Variants in WBP4 observed in about 807,000 individuals in gnomAD.
The protein encoded by WBP4 is WW domain-binding protein 4.
WBP4 carries 37 observed loss-of-function variants against 55.4 expected under a neutral mutation model. The ratio of observed to expected loss-of-function variants is 0.67; its 90% CI spans 0.51 to 0.88. WBP4 has a LOEUF of 0.88. WBP4 is among the 40% of genes least tolerant of loss of function. WBP4 has a pLI of 0.00. For missense variants in WBP4, 398 were observed against 420.8 expected, an observed-to-expected ratio of 0.95 and a Z score of 0.47; for synonymous variants, 142 against 140.2, an observed-to-expected ratio of 1.01 and a Z score of -0.09.
rs1878472815 is a variant in WBP4 at position 41,076,133 on chromosome 13, G to C, written c.652G>C (p.Asp218His). The change falls in exon 8 of 10, where the codon GAT becomes CAT. Residue 218 changes from aspartate (D) to histidine (H), a missense_variant. Transcript: ENST00000379487. ...CAATGAAAATTCACTTGGCACCCTA[G>C]ATGAATCCAAATCATCAGATTCGCA... ...KVNENSLGTL[D>H]ESKSSDSHSD... 1 of 1,613,420 alleles carries C rather than the reference G, an allele frequency of 6.2e-7. No homozygotes were observed. The highest frequency in any genetic ancestry group is 1.3e-5 in the African/African-American group (1 of 74,694).
chr13:41,077,258 A>G (rs1354479344), intron 8 of WBP4, among the ~76,000 whole-genome samples: 1 of 152,238 alleles, frequency 6.6e-6, no homozygotes, highest in Non-Finnish European at 1.5e-5. Context: ...GTTAAAATTC[A>G]GCATCCTTTC....
chr13:41,065,212 A>C lies in WBP4; in HGVS notation c.187A>C (p.Lys63Gln), dbSNP rs749072820. The change falls in exon 4 of 10, where the codon AAG becomes CAG. Residue 63 changes from lysine to glutamine, a missense_variant. Transcript: ENST00000379487. ...GGCAAAGGAAGAAGAAAAGGCATCA[A>C]AGGAGTTTGCTGCAATGGAGGCAGC... ...DKAKEEEKAS[K>Q]EFAAMEAAAL... is the part of the protein sequence containing the mutation. 3 of 1,613,204 alleles carry C rather than the reference A, an allele frequency of 1.9e-6. No individual in the cohort carries two copies. The highest frequency in any genetic ancestry group is 2.2e-5 in the South Asian group (2 of 90,954).
At chr13:41,071,690 C>T (rs551871284) in intron 6 of WBP4, 117 bp downstream of exon 6, 2 of 881,248 alleles carry the variant, frequency 2.3e-6, no homozygotes, top group Admixed American at 2.5e-5. Flanking sequence ...CCCTCCACCC[C>T]CAAACTGTGT....
In WBP4 at chr13:41,065,263, T is replaced by A; in HGVS notation, c.238T>A (p.Leu80Met). The A allele has an allele frequency of 6.3e-7, 1 of 1,589,742 alleles. No homozygotes were observed. The highest frequency in any genetic ancestry group is 8.5e-7 in the Non-Finnish European group (1 of 1,170,220). ...TGCCCTGAAAGCATACCAAGAGGATTTGAAAAGACTTGGCTTAGAGTCAGG... is the reference window on the plus strand; with the variant it reads ...TGCCCTGAAAGCATACCAAGAGGATATGAAAAGACTTGGCTTAGAGTCAGG... The part of the protein sequence containing the change: ...AAALKAYQED[L>M]KRLGLESEIL... Residue 80 changes from leucine to methionine, a missense_variant, in exon 4 of 10, where the codon TTG (leucine) becomes ATG (methionine). Transcript: ENST00000379487.
At chr13:41,078,210 G>A (rs1469711233) in intron 8 of WBP4, among the ~76,000 whole-genome samples, 4 of 152,230 alleles carry the variant, frequency 2.6e-5, no homozygotes, top group African/African-American at 9.6e-5. Flanking sequence ...AAGAACAAAG[G>A]TGGAGGCATC....
intron 2 of WBP4, among the ~76,000 whole-genome samples, chr13:41,064,433 A>G (rs1401437940): frequency 6.6e-6 from 1 of 152,138 alleles, no homozygotes; most frequent in Non-Finnish European, 1.5e-5. Flanking sequence ...TCAAAGGGTA[A>G]ATGTATTTGT....
intron 7 of WBP4, 125 bp from the exon 8 acceptor site, chr13:41,075,919 C>T (rs1878459257): frequency 1.9e-6 from 2 of 1,044,672 alleles, no homozygotes; most frequent in Non-Finnish European, 2.7e-6. Context: ...TCTTCTTGAT[C>T]AAGAGATAGT....
chr13:41,065,754 A>G (rs1244327321), intron 4 of WBP4, among the ~76,000 whole-genome samples: 1 of 152,206 alleles, frequency 6.6e-6, no homozygotes, highest in African/African-American at 2.4e-5. Context: ...TTTTACTAGT[A>G]GAAGGCAGAT....
chr13:41,062,101 T>G lies in WBP4; in HGVS notation c.2+426T>G, dbSNP rs868605627. On this transcript the variant is annotated intron_variant, in intron 1 of 9. Coordinates refer to ENST00000379487, the MANE Select transcript of WBP4 (RefSeq NM_007187.5). ...CAGCCCTGGATAGCGTAATGGTTTT[T>G]TTTTTTTTTTTTTTTTTTTTTTTGT... 5.2e-5 allele frequency: 42 copies of G among 809,636 alleles called. No homozygotes were observed. The South Asian group carries it at 6.6e-4, about 13-fold the overall frequency. 50.2% of individuals were successfully genotyped at this position (809,636 alleles called of 1,614,324 possible).
chr13:41,062,098 T>C, intron 1 of WBP4: 1 of 412,956 alleles, frequency 2.4e-6, no homozygotes, highest in Non-Finnish European at 3.0e-6. Context: ...GCGTAATGGT[T>C]TTTTTTTTTT....
intron 4 of WBP4, among the ~76,000 whole-genome samples, chr13:41,067,287 C>T (rs1878016524): frequency 6.6e-6 from 1 of 152,212 alleles, no homozygotes; most frequent in African/African-American, 2.4e-5. Flanking sequence ...AATGTAAATA[C>T]CTGATCTATC....
intron 9 of WBP4, 136 bp from the exon 10 acceptor site, chr13:41,082,568 T>A: frequency 1.5e-6 from 1 of 670,706 alleles, no homozygotes; most frequent in East Asian, 2.7e-5. Context: ...TATTGTAAAG[T>A]CAGTATTTTA....
At chr13:41,064,901 T>C in intron 2 of WBP4, 115 bp from the exon 3 acceptor site, 1 of 970,664 alleles carries the variant, frequency 1.0e-6, no homozygotes, top group Non-Finnish European at 1.5e-6. Flanking sequence ...TTTTCATCTT[T>C]TCTGCCATTC....
rs1363070203 is a variant in WBP4 at position 41,083,245 on chromosome 13, C to T, written c.*331C>T. ...TTCATATTCATAAGAGCATATTTAT[C>T]CTGCATTGAAAATGCATTACTTTTG... On this transcript the variant is annotated 3_prime_UTR_variant, in exon 10 of 10. Coordinates refer to ENST00000379487, the MANE Select transcript of WBP4 (RefSeq NM_007187.5). 1 of 199,630 alleles carries T rather than the reference C, an allele frequency of 5.0e-6. No individual in the cohort carries two copies. Among genetic ancestry groups the T allele is most frequent in the Non-Finnish European group, 1.0e-5 (1 of 96,566 alleles). The allele number at this position is 199,630 out of a possible 1,614,324, so 12.4% of individuals were successfully genotyped here. A position where few individuals can be genotyped will look rare whatever the true frequency, so the allele number is the denominator to read the frequency against.
intron 8 of WBP4, among the ~76,000 whole-genome samples, chr13:41,078,391 A>T (rs1413225393): frequency 3.9e-5 from 6 of 152,226 alleles, no homozygotes; most frequent in Non-Finnish European, 8.8e-5. Context: ...TACACTGGGG[A>T]AGGGATACCC....
intron 7 of WBP4, 22 bp downstream of exon 7, chr13:41,072,879 C>T (rs374018522): frequency 2.1e-5 from 33 of 1,587,550 alleles, no homozygotes; most frequent in Admixed American, 6.9e-5. Flanking sequence ...CTTTGATTAT[C>T]TTAACTGTTT....
rs746468545 is a variant in WBP4, at chr13:41,065,095, A to G, written c.138+17A>G. 2 of 1,600,284 alleles carry G rather than the reference A, an allele frequency of 1.2e-6. No homozygotes were observed. The highest frequency in any genetic ancestry group is 8.5e-7 in the Non-Finnish European group (1 of 1,176,424). On this transcript the variant is annotated intron_variant, in intron 3 of 9. Coordinates refer to ENST00000379487, the MANE Select transcript of WBP4 (RefSeq NM_007187.5). ...ATCAGTGAGGTAATTTAGATTGTTT[A>G]TTTGCTAATTTTTCTATGCAAATGT... is the stretch of plus-strand genomic sequence containing the variant.
intron 4 of WBP4, among the ~76,000 whole-genome samples, chr13:41,067,857 A>G (rs1593426529): frequency 6.6e-6 from 1 of 152,066 alleles, no homozygotes; most frequent in East Asian, 1.9e-4. Context: ...CATACAGAAT[A>G]TCTTAATTTT....
At chr13:41,061,770 G>A in intron 1 of WBP4, 95 bp downstream of exon 1, 1 of 1,586,692 alleles carries the variant, frequency 6.3e-7, no homozygotes. Context: ...CCGCCCTTCG[G>A]CCGGGGGCGT....
Sources: allele counts gnomAD v4.1 joint callset (sites outside exome capture counted in the v4.1 genomes callset), GRCh38; gene constraint gnomAD v4.1.1; transcripts MANE v1.5; gene names NCBI Gene and HGNC (gene_info 2026-07-23, HGNC 2026-07-21).